The following WWC2 variants were observed in gnomAD, a reference collection of about 807,000 sequenced individuals.
WWC2 encodes WW and C2 domain containing 2.
A neutral mutation model predicts 138.5 loss-of-function variants in WWC2; 101 were observed. The ratio of observed to expected loss-of-function variants is 0.73; its 90% CI spans 0.62 to 0.86. The LOEUF (loss-of-function observed/expected upper bound fraction) is 0.86, where lower values mean the gene tolerates loss of function less well. WWC2 is among the 40% of genes least tolerant of loss of function. The pLI, the probability that WWC2 is intolerant of heterozygous loss-of-function variation, is 0.00. For synonymous variants in WWC2, 558 were observed against 538.4 expected, an observed-to-expected ratio of 1.04 and a Z score of -0.50; for missense variants, 1,420 against 1,419.4, an observed-to-expected ratio of 1.00 and a Z score of -0.01.
rs1033965437 is a variant in WWC2, at chr4:183,288,352, G to A, written c.3142-1041G>A. On this transcript the variant is annotated intron_variant, in intron 20 of 22. Transcript: ENST00000403733. ...ACTTGTCAAATTTGAGTCCCTCCTC[G>A]CTCATATCAAATAGTAACAGTTCTT... Among the ~76,000 whole-genome samples the A allele has an allele frequency of 5.9e-5, 9 of 152,102 alleles. No homozygotes were observed. In the East Asian group the frequency reaches 1.4e-3, roughly 23 times the overall value.
At chr4:183,266,255 GT>G (rs1289874949) in intron 14 of WWC2, among the ~76,000 whole-genome samples, 1 of 152,078 alleles carries the variant, frequency 6.6e-6, no homozygotes, top group African/African-American at 2.4e-5. Flanking sequence ...TAAAATTTTT[GT>G]TTTTGTGTAA....
intron 1 of WWC2, among the ~76,000 whole-genome samples, chr4:183,148,421 C>T (rs1674600522): frequency 6.6e-6 from 1 of 152,058 alleles, no homozygotes; most frequent in African/African-American, 2.4e-5. Context: ...TGTCCTCCTC[C>T]CCATTTTAAT....
chr4:183,284,471 AG>A, intron 19 of WWC2, 81 bp downstream of exon 19: 1 of 1,524,450 alleles, frequency 6.6e-7, no homozygotes, highest in Non-Finnish European at 8.9e-7. Flanking sequence ...AAAGGACAAG[AG>A]ACTGTGCACT....
In WWC2 at chr4:183,227,402, G is replaced by A. The variant is rs534126341; in HGVS notation, c.523-12781G>A. ...GTGCTTTCAGTAGGAAAGTATGAAC[G>A]CATAGCCCAAATCACAGATGTACAG... is the stretch of plus-strand genomic sequence containing the variant. On this transcript the variant is annotated intron_variant, in intron 4 of 22. Coordinates refer to ENST00000403733, the MANE Select transcript of WWC2 (RefSeq NM_024949.6). 3.9e-5 allele frequency among the ~76,000 whole-genome samples: 6 copies of A among 152,112 alleles called. No homozygotes were observed. In the East Asian group the frequency reaches 9.6e-4, roughly 24 times the overall value.
Position 183,261,154 on chromosome 4 carries a change from G to A in WWC2, c.1531G>A (p.Val511Ile). 1.2e-6 allele frequency: 2 copies of A among 1,613,878 alleles called. No individual in the cohort carries two copies. The highest frequency in any genetic ancestry group is 1.7e-6 in the Non-Finnish European group (2 of 1,179,846). The change falls in exon 11 of 23, where the codon GTC becomes ATC. Residue 511 changes from valine to isoleucine, a missense_variant. By Grantham distance (29) the Val-to-Ile change is conservative. Transcript: ENST00000403733. ...CACCACCATCCATGAAAACGAGGTGGTCAAGTCCCCTAGCCAGCCTGGCCA... is the reference window on the plus strand; with the variant it reads ...CACCACCATCCATGAAAACGAGGTGATCAAGTCCCCTAGCCAGCCTGGCCA... ...PITTIHENEV[V>I]KSPSQPGQSG... is the part of the protein sequence containing the mutation.
At chr4:183,145,255 C>T (rs151145382) in intron 1 of WWC2, among the ~76,000 whole-genome samples, 2 of 152,160 alleles carry the variant, frequency 1.3e-5, no homozygotes, top group South Asian at 2.1e-4. Context: ...ACAACTGCCT[C>T]ATAGTAAGTG....
chr4:183,245,571 C>A, intron 6 of WWC2, 26 bp downstream of exon 6: 1 of 1,548,844 alleles, frequency 6.5e-7, no homozygotes, highest in Non-Finnish European at 8.7e-7. Flanking sequence ...TTTTGTTAAG[C>A]CAAACTTCTA....
At chr4:183,118,638 A>T (rs539372952) in intron 1 of WWC2, among the ~76,000 whole-genome samples, 82 of 152,374 alleles carry the variant, frequency 5.4e-4, no homozygotes, top group African/African-American at 1.9e-3. Context: ...GTCATCATTT[A>T]GCATTGTGAG....
chr4:183,208,433 T>G (rs1267614081), intron 3 of WWC2, among the ~76,000 whole-genome samples: 1 of 152,210 alleles, frequency 6.6e-6, no homozygotes, highest in African/African-American at 2.4e-5. Flanking sequence ...TTTTACCTTT[T>G]CAGAACAGTG....
At chr4:183,258,759 G>T (rs1737230841) in intron 9 of WWC2, among the ~76,000 whole-genome samples, 1 of 152,118 alleles carries the variant, frequency 6.6e-6, no homozygotes, top group African/African-American at 2.4e-5. Context: ...CTAGTAAGCT[G>T]CAAATCAAGA....
chr4:183,233,679 T>C (rs1736328962), intron 4 of WWC2: 2 of 152,242 alleles, frequency 1.3e-5, no homozygotes, highest in African/African-American at 4.8e-5. Context: ...TTAGCCATCA[T>C]ACACGGTTCT....
At chr4:183,268,923 G>T (rs567311676) in intron 14 of WWC2, 48 bp from the exon 15 acceptor site, 2 of 1,509,382 alleles carry the variant, frequency 1.3e-6, no homozygotes, top group South Asian at 1.3e-5. Context: ...TGTGAATCTG[G>T]TATAATTAAA....
At chr4:183,247,724 T>C (rs1253496004) in intron 6 of WWC2, among the ~76,000 whole-genome samples, 1 of 141,536 alleles carries the variant, frequency 7.1e-6, no homozygotes, top group Non-Finnish European at 1.5e-5. Flanking sequence ...ATATATACTA[T>C]ATACTACATA....
chr4:183,116,093 G>A (rs886588578), intron 1 of WWC2, among the ~76,000 whole-genome samples: 11 of 152,250 alleles, frequency 7.2e-5, no homozygotes, highest in Non-Finnish European at 1.6e-4. Flanking sequence ...TATTGAATAG[G>A]AAGTACTCTC....
At chr4:183,177,291 G>A (rs1423802190) in intron 1 of WWC2, among the ~76,000 whole-genome samples, 1 of 152,140 alleles carries the variant, frequency 6.6e-6, no homozygotes, top group Non-Finnish European at 1.5e-5. Context: ...AGAGAATAAA[G>A]TGAAATAATT....
At chr4:183,154,125 C>T (rs1554067741) in intron 1 of WWC2, among the ~76,000 whole-genome samples, 1 of 149,956 alleles carries the variant, frequency 6.7e-6, no homozygotes, top group Non-Finnish European at 1.5e-5. Flanking sequence ...TTTTAGAAAG[C>T]ATAACTTATT....
rs756516920 is a variant in WWC2 at position 183,320,360 on chromosome 4, ATTG to A, written c.*4634_*4636del. ...TAGGAGGATTCTTGCCAGAGTTGCT[ATTG>A]TTTGATTCCATGTTGAATGGGTTTC... On this transcript the variant is annotated 3_prime_UTR_variant, in exon 23 of 23. Transcript: ENST00000403733. The A allele has an allele frequency of 1.6e-4, 126 of 795,112 alleles. 1 individual carries two copies. In the Middle Eastern group the frequency reaches 4.1e-3, roughly 26 times the overall value. The allele number at this position is 795,112 out of a possible 1,614,324, so 49.3% of individuals were successfully genotyped here.
intron 1 of WWC2, among the ~76,000 whole-genome samples, chr4:183,171,243 A>T (rs1370517749): frequency 6.6e-6 from 1 of 152,204 alleles, no homozygotes; most frequent in African/African-American, 2.4e-5. Flanking sequence ...GAAAACATTT[A>T]TGTTGTGCTT....
chr4:183,188,948 C>G (rs1263909062), intron 1 of WWC2, among the ~76,000 whole-genome samples: 2 of 151,886 alleles, frequency 1.3e-5, no homozygotes, highest in African/African-American at 2.4e-5. Context: ...GCCTGCCCCT[C>G]TAATATGACT....
Sources: allele counts gnomAD v4.1 joint callset (sites outside exome capture counted in the v4.1 genomes callset), GRCh38; gene constraint gnomAD v4.1.1; transcripts MANE v1.5; gene names NCBI Gene and HGNC (gene_info 2026-07-23, HGNC 2026-07-21).